Variants in VDAC1 observed in about 807,000 individuals in gnomAD.
The protein encoded by VDAC1 is voltage dependent anion channel 1, also known as non-selective voltage-gated ion channel VDAC1.
A neutral mutation model predicts 34.7 loss-of-function variants in VDAC1; 10 were observed. That is an observed-to-expected ratio of 0.29 (90% confidence interval 0.18 to 0.49). The LOEUF is 0.49. VDAC1 is among the 20% of genes least tolerant of loss of function. The probability of loss-of-function intolerance (pLI) is 0.99; values close to 1 mark genes in which losing one functional copy is unlikely to be tolerated. For synonymous variants in VDAC1, 130 were observed against 136.0 expected, an observed-to-expected ratio of 0.96 and a Z score of 0.30; for missense variants, 230 against 347.9, an observed-to-expected ratio of 0.66 and a Z score of 2.69.
the VDAC1 span, among the ~76,000 whole-genome samples, chr5:134,057,743 G>A: frequency 6.6e-6 from 1 of 150,806 alleles, no homozygotes; most frequent in East Asian, 1.9e-4. Context: ...ACTGCCAAAT[G>A]GCCCTTCAGA....
At chr5:134,060,930 T>C in the VDAC1 span, among the ~76,000 whole-genome samples, 7 of 121,160 alleles carry the variant, frequency 5.8e-5, no homozygotes, top group Non-Finnish European at 8.1e-5. Context: ...CAGGCTGGAG[T>C]GCAATGGTGC....
At chr5:133,996,872 T>C (rs955908813) in intron 1 of VDAC1, among the ~76,000 whole-genome samples, 1 of 149,798 alleles carries the variant, frequency 6.7e-6, no homozygotes. Flanking sequence ...AGTGGGGGAG[T>C]TGGGGAGACC....
intron 1 of VDAC1, among the ~76,000 whole-genome samples, chr5:133,994,804 A>G (rs534476931): frequency 6.6e-6 from 1 of 152,082 alleles, no homozygotes; most frequent in African/African-American, 2.4e-5. Flanking sequence ...CTTCAGTGCT[A>G]TGCCTCCCAG....
chr5:134,094,528 T>A, the VDAC1 span, among the ~76,000 whole-genome samples: 1 of 151,932 alleles, frequency 6.6e-6, no homozygotes, highest in East Asian at 1.9e-4. Flanking sequence ...AAACCCTGTC[T>A]CCACTAAAAA....
At chr5:134,081,354 T>C in the VDAC1 span, among the ~76,000 whole-genome samples, 1 of 152,122 alleles carries the variant, frequency 6.6e-6, no homozygotes, top group African/African-American at 2.4e-5. Context: ...ACTTTTTGTA[T>C]TTTTGGTAGA....
At chr5:133,996,898 C>A (rs1004325570) in intron 1 of VDAC1, among the ~76,000 whole-genome samples, 1 of 152,124 alleles carries the variant, frequency 6.6e-6, no homozygotes, top group Non-Finnish European at 1.5e-5. Flanking sequence ...CTAGCAATGA[C>A]CTCCACTCCC....
At chr5:134,064,861 G>A in the VDAC1 span, among the ~76,000 whole-genome samples, 1 of 151,908 alleles carries the variant, frequency 6.6e-6, no homozygotes, top group Non-Finnish European at 1.5e-5. Flanking sequence ...GGGACCCACA[G>A]GCGTGCACCA....
the VDAC1 span, among the ~76,000 whole-genome samples, chr5:134,089,226 AG>A: frequency 2.6e-5 from 4 of 152,236 alleles, no homozygotes; most frequent in Non-Finnish European, 5.9e-5. Context: ...GGCACACCCC[AG>A]GCTCTGAGCT....
At chr5:134,047,845 A>G in the VDAC1 span, among the ~76,000 whole-genome samples, 1 of 152,064 alleles carries the variant, frequency 6.6e-6, no homozygotes, top group Non-Finnish European at 1.5e-5. Flanking sequence ...ACAGTTCACC[A>G]CAGTGCCCTG....
At chr5:134,107,259 C>A in the VDAC1 span, among the ~76,000 whole-genome samples, 1 of 152,230 alleles carries the variant, frequency 6.6e-6, no homozygotes, top group Non-Finnish European at 1.5e-5. Context: ...GGCAGACAGC[C>A]CCTCCGTGGC....
At chr5:134,042,249 C>T in the VDAC1 span, among the ~76,000 whole-genome samples, 1 of 152,128 alleles carries the variant, frequency 6.6e-6, no homozygotes. Context: ...GCACTGTGGG[C>T]TTGGGGGGGA....
At chr5:134,058,880 T>G in the VDAC1 span, among the ~76,000 whole-genome samples, 2 of 151,994 alleles carry the variant, frequency 1.3e-5, no homozygotes, top group African/African-American at 2.4e-5. Flanking sequence ...CAGCAGACAG[T>G]CCCTGGCCCC....
chr5:134,105,969 C>T, the VDAC1 span, among the ~76,000 whole-genome samples: 1 of 152,220 alleles, frequency 6.6e-6, no homozygotes, highest in Non-Finnish European at 1.5e-5. Flanking sequence ...GGGAAGGGGC[C>T]CTTCTTGGCC....
At chr5:134,075,612 C>T in the VDAC1 span, among the ~76,000 whole-genome samples, 1 of 152,174 alleles carries the variant, frequency 6.6e-6, no homozygotes, top group African/African-American at 2.4e-5. Flanking sequence ...GAGACAGAGT[C>T]TCGCTCTGTT....
the VDAC1 span, among the ~76,000 whole-genome samples, chr5:134,088,956 T>A: frequency 6.6e-6 from 1 of 152,278 alleles, no homozygotes; most frequent in Admixed American, 6.5e-5. Flanking sequence ...TCATCCACGC[T>A]GTTGCATGCA....
At chr5:134,067,150 A>C in the VDAC1 span, among the ~76,000 whole-genome samples, 1 of 149,074 alleles carries the variant, frequency 6.7e-6, no homozygotes, top group African/African-American at 2.5e-5. Flanking sequence ...ATTTCAGCTC[A>C]CTGCAACCTC....
At chr5:134,070,806 G>C in the VDAC1 span, among the ~76,000 whole-genome samples, 1 of 152,182 alleles carries the variant, frequency 6.6e-6, no homozygotes, top group Non-Finnish European at 1.5e-5. Flanking sequence ...CGGTTTCCCA[G>C]TTCTAAGCAA....
At chr5:134,097,818 C>T in the VDAC1 span, among the ~76,000 whole-genome samples, 18,572 of 152,220 alleles carry the variant, frequency 0.12, 1,437 homozygotes, top group South Asian at 0.21. Flanking sequence ...TCCACTGGGA[C>T]CCTCACAGTA....
chr5:134,078,854 T>A, the VDAC1 span, among the ~76,000 whole-genome samples: 2 of 152,104 alleles, frequency 1.3e-5, no homozygotes, highest in South Asian at 4.1e-4. Flanking sequence ...TTTCACCATG[T>A]TGGCCAGGCT....
Sources: allele counts gnomAD v4.1 joint callset (sites outside exome capture counted in the v4.1 genomes callset), GRCh38; gene constraint gnomAD v4.1.1; transcripts MANE v1.5; gene names NCBI Gene and HGNC (gene_info 2026-07-23, HGNC 2026-07-21).